NPFFR2: variants seen among roughly 807,000 people sequenced by gnomAD.
NPFFR2 encodes the protein neuropeptide FF receptor 2, also known as G-protein coupled receptor 74.
NPFFR2 carries 15 observed loss-of-function variants against 13.1 expected under a neutral mutation model. That is an observed-to-expected ratio of 1.15 (90% CI 0.77 to 1.76). The LOEUF (loss-of-function observed/expected upper bound fraction) is 1.76, where lower values mean the gene tolerates loss of function less well. Among genes scored for constraint, NPFFR2 ranks in the 40% most tolerant of loss-of-function variants. NPFFR2 has a pLI of 0.00. For synonymous variants in NPFFR2, 190 were observed against 175.7 expected, an observed-to-expected ratio of 1.08 and a Z score of -0.65; for missense variants, 572 against 503.5, an observed-to-expected ratio of 1.14 and a Z score of -1.30.
chr4:72,144,367 A>G (rs1722714347), intron 3 of NPFFR2, among the ~76,000 whole-genome samples: 1 of 152,166 alleles, frequency 6.6e-6, no homozygotes, highest in Admixed American at 6.6e-5. Flanking sequence ...GTTGCATTCT[A>G]TTCATGAGAC....
rs545299899 is a variant in NPFFR2, at chr4:72,127,804, G to A, written c.-7-781G>A. On this transcript the variant is annotated intron_variant, in intron 1 of 3. Transcript: ENST00000308744. ...TATAAAAAAATAATATTCAGGCCACGCACGGTGGCTCATGCCTGTAATCCT... is the reference window on the plus strand; with the variant it reads ...TATAAAAAAATAATATTCAGGCCACACACGGTGGCTCATGCCTGTAATCCT... 1.4e-4 allele frequency among the ~76,000 whole-genome samples: 21 copies of A among 152,094 alleles called. No individual in the cohort carries two copies. The East Asian group carries it at 1.6e-3, about 11-fold the overall frequency.
intron 1 of NPFFR2, among the ~76,000 whole-genome samples, chr4:72,103,441 C>A (rs998468805): frequency 1.4e-4 from 21 of 152,056 alleles, no homozygotes; most frequent in Non-Finnish European, 2.6e-4. Flanking sequence ...GTTGCCAATG[C>A]CTTGATCTTG....
At chr4:72,079,027 CAT>C (rs1470456169) in intron 1 of NPFFR2, among the ~76,000 whole-genome samples, 2 of 148,630 alleles carry the variant, frequency 1.3e-5, no homozygotes, top group Non-Finnish European at 3.0e-5. Flanking sequence ...AAAGAATCTA[CAT>C]GTGTTATAAA....
chr4:72,134,541 A>G (rs903645216), intron 2 of NPFFR2, among the ~76,000 whole-genome samples: 4 of 152,160 alleles, frequency 2.6e-5, no homozygotes, highest in Admixed American at 2.0e-4. Context: ...CAGAATATAC[A>G]TTCTTATTTT....
At chr4:72,103,068 C>G (rs1044692794) in intron 1 of NPFFR2, among the ~76,000 whole-genome samples, 6 of 152,116 alleles carry the variant, frequency 3.9e-5, no homozygotes, top group African/African-American at 9.7e-5. Context: ...GCCATTCTAA[C>G]TGGTGTGAGA....
intron 1 of NPFFR2, among the ~76,000 whole-genome samples, chr4:72,057,291 C>G (rs1004697496): frequency 6.6e-6 from 1 of 151,778 alleles, no homozygotes; most frequent in East Asian, 1.9e-4. Context: ...GCTGCTATAA[C>G]GTATCATCAT....
Position 72,101,564 on chromosome 4 carries a change from G to A in NPFFR2, c.-7-27021G>A, listed in dbSNP as rs571962944. On this transcript the variant is annotated intron_variant, in intron 1 of 3. Coordinates refer to ENST00000308744, the MANE Select transcript of NPFFR2 (RefSeq NM_004885.3). ...GGGGTCATAAAATAAAAGTGATTTAGGAATTTCAAGGAAGAATATATATTT... is the reference window on the plus strand; with the variant it reads ...GGGGTCATAAAATAAAAGTGATTTAAGAATTTCAAGGAAGAATATATATTT... Among the ~76,000 whole-genome samples the A allele has an allele frequency of 2.2e-4, 33 of 151,810 alleles. 1 individual carries two copies. In the South Asian group the frequency reaches 6.9e-3, roughly 32 times the overall value.
At position 72,128,903 on chromosome 4, in the gene NPFFR2, G is replaced by A; in HGVS notation, c.312G>A (p.Leu104=). 1 of 1,609,252 alleles carries A rather than the reference G, an allele frequency of 6.2e-7. No homozygotes were observed. Residue 104 remains leucine (L), a synonymous_variant, in exon 2 of 4, where the codon CTG becomes CTA. Transcript: ENST00000308744. ...VGIFCMPITL[L]DNIIAGWPFG... is the part of the protein sequence containing the mutation. ...TATTCTGCATGCCTATAACACTGCT[G>A]GACAATATTATAGCAGGTATGTTGG...
chr4:72,039,207 C>G (rs1194908389), intron 1 of NPFFR2: 3 of 153,656 alleles, frequency 2.0e-5, no homozygotes, highest in Admixed American at 1.3e-4. Context: ...TACAGGCGCC[C>G]GCCACCACGC....
At chr4:72,128,544 T>C (rs1194615289) in intron 1 of NPFFR2, 41 bp from the exon 2 acceptor site, 2 of 1,251,344 alleles carry the variant, frequency 1.6e-6, no homozygotes, top group Non-Finnish European at 1.1e-6. Context: ...GCTTTACTGG[T>C]TCCTAATTAT....
intron 1 of NPFFR2, among the ~76,000 whole-genome samples, chr4:72,109,639 CT>C (rs1417473398): frequency 6.6e-6 from 1 of 151,906 alleles, no homozygotes; most frequent in Non-Finnish European, 1.5e-5. Flanking sequence ...GAGTCAACAA[CT>C]AGTTATTTCT....
chr4:72,139,596 T>C (rs1213477342), intron 3 of NPFFR2, among the ~76,000 whole-genome samples: 4 of 152,168 alleles, frequency 2.6e-5, no homozygotes, highest in Non-Finnish European at 5.9e-5. Flanking sequence ...CTGAGGCCTC[T>C]GTTCTGTTCC....
intron 1 of NPFFR2, among the ~76,000 whole-genome samples, chr4:72,063,960 T>A (rs2109777271): frequency 1.3e-5 from 2 of 152,250 alleles, no homozygotes; most frequent in South Asian, 4.1e-4. Flanking sequence ...GGGTCTCGAT[T>A]TACGTTTATA....
rs542907620 is a variant in NPFFR2, at chr4:72,129,316, A to T, written c.328+397A>T. Among the ~76,000 whole-genome samples the T allele has an allele frequency of 7.5e-5, 11 of 147,260 alleles. No homozygotes were observed. In the East Asian group the frequency reaches 2.3e-3, roughly 30 times the overall value. ...AGAAAAAGACACAGAGACAAAGTATAGAGAAAGAAATAAGGGGACCCGGGG... is the reference window on the plus strand; with the variant it reads ...AGAAAAAGACACAGAGACAAAGTATTGAGAAAGAAATAAGGGGACCCGGGG... On this transcript the variant is annotated intron_variant, in intron 2 of 3. Coordinates refer to ENST00000308744, the MANE Select transcript of NPFFR2 (RefSeq NM_004885.3).
chr4:72,051,859 A>G (rs2109765880), intron 1 of NPFFR2, among the ~76,000 whole-genome samples: 1 of 151,528 alleles, frequency 6.6e-6, no homozygotes, highest in South Asian at 2.1e-4. Flanking sequence ...AAAGAATACT[A>G]CAAACACCTC....
chr4:72,059,134 C>T (rs1560398010), intron 1 of NPFFR2, among the ~76,000 whole-genome samples: 2 of 151,984 alleles, frequency 1.3e-5, no homozygotes, highest in Non-Finnish European at 2.9e-5. Flanking sequence ...TCCTCTAGTA[C>T]TCATGTGTCT....
chr4:72,085,897 C>G (rs568824947), intron 1 of NPFFR2, among the ~76,000 whole-genome samples: 1 of 151,952 alleles, frequency 6.6e-6, no homozygotes, highest in Non-Finnish European at 1.5e-5. Context: ...TCACAGCAAG[C>G]CAAAATCTAA....
At chr4:72,119,263 G>T (rs1486457647) in intron 1 of NPFFR2, among the ~76,000 whole-genome samples, 1 of 152,144 alleles carries the variant, frequency 6.6e-6, no homozygotes, top group Non-Finnish European at 1.5e-5. Context: ...ATCTAAATAT[G>T]TTGTACATAG....
intron 1 of NPFFR2, among the ~76,000 whole-genome samples, chr4:72,042,693 G>A (rs1174103048): frequency 6.6e-6 from 1 of 152,168 alleles, no homozygotes; most frequent in African/African-American, 2.4e-5. Context: ...CCCTTTCCTA[G>A]AGATCTGTGG....
Sources: gnomAD v4.1 joint callset for allele counts (sites outside exome capture counted in the v4.1 genomes callset) on GRCh38, gnomAD v4.1.1 for gene constraint, MANE v1.5 for transcripts, NCBI Gene and HGNC (gene_info 2026-07-23, HGNC 2026-07-21) for gene names.